The following CLCA1 variants were observed in gnomAD, a reference collection of about 807,000 sequenced individuals.
The protein encoded by CLCA1 is chloride channel accessory 1.
Under a neutral mutation model 85.6 loss-of-function variants are expected in CLCA1, and 59 were observed. That is an observed-to-expected ratio of 0.69 (90% confidence interval 0.56 to 0.86). CLCA1 has a LOEUF of 0.86. CLCA1 is among the 40% of genes least tolerant of loss of function. The pLI, the probability that CLCA1 is intolerant of heterozygous loss-of-function variation, is 0.00. For synonymous variants in CLCA1, 396 were observed against 398.3 expected, an observed-to-expected ratio of 0.99 and a Z score of 0.07; for missense variants, 1,022 against 1,101.4, an observed-to-expected ratio of 0.93 and a Z score of 1.02.
chr1:86,493,722 G>A lies in CLCA1; in HGVS notation c.1680+123G>A, dbSNP rs193231660. 166 of 730,992 alleles carry A rather than the reference G, an allele frequency of 2.3e-4. 1 individual carries two copies. The highest frequency in any genetic ancestry group is 2.1e-3 in the South Asian group (112 of 52,218). The allele number at this position is 730,992 out of a possible 1,614,324, so 45.3% of individuals were successfully genotyped here. On this transcript the variant is annotated intron_variant, in intron 10 of 13. Transcript: ENST00000394711. ...AGGAGAGTCAGTATTGAATCAAAGAGAGAACGAGGAAAAAAAATCTCCATC... is the reference window on the plus strand; with the variant it reads ...AGGAGAGTCAGTATTGAATCAAAGAAAGAACGAGGAAAAAAAATCTCCATC...
Position 86,489,177 on chromosome 1 carries a change from G to A in CLCA1, c.1357+7G>A. 1.2e-6 allele frequency: 2 copies of A among 1,612,652 alleles called. No homozygotes were observed. Among genetic ancestry groups the A allele is most frequent in the Non-Finnish European group, 1.7e-6 (2 of 1,179,320 alleles). On this transcript the variant is annotated splice_region_variant and intron_variant, in intron 8 of 13. Coordinates refer to ENST00000394711, the MANE Select transcript of CLCA1 (RefSeq NM_001285.4). Reference sequence around the variant, plus strand: ...GAGCTGTCCAAAATGACAGGTGAGGGATGATTTGCTGAGACCCCCGGTATT... The same window carrying A: ...GAGCTGTCCAAAATGACAGGTGAGGAATGATTTGCTGAGACCCCCGGTATT...
intron 1 of CLCA1, among the ~76,000 whole-genome samples, chr1:86,470,079 G>A (rs928904898): frequency 2.0e-5 from 3 of 152,162 alleles, no homozygotes; most frequent in African/African-American, 7.2e-5. Context: ...AATAAATGGT[G>A]GATATAGTCA....
chr1:86,492,432 CAG>C (rs3835432), intron 9 of CLCA1, among the ~76,000 whole-genome samples: 62,287 of 151,196 alleles, frequency 0.41, 13,434 homozygotes, highest in Non-Finnish European at 0.48. Flanking sequence ...AGAAACCTAA[CAG>C]AGAGAGAGAG....
chr1:86,499,810 GCA>G lies in CLCA1; in HGVS notation c.2513_2514del (p.Thr838ArgfsTer10). On this transcript the variant is annotated frameshift_variant, in exon 14 of 14. Transcript: ENST00000394711. LOFTEE classifies it low-confidence loss of function (END_TRUNC). ...CCAGAAAACATTACTTTTGAAAATG[GCA>G]CAGATCTTTTCATTGCTATTCAGGC... The G allele has an allele frequency of 6.2e-7, 1 of 1,613,780 alleles. No homozygotes were observed. Among genetic ancestry groups the G allele is most frequent in the Non-Finnish European group, 8.5e-7 (1 of 1,179,700 alleles).
intron 13 of CLCA1, among the ~76,000 whole-genome samples, chr1:86,499,407 G>C (rs1014136884): frequency 6.6e-6 from 1 of 152,154 alleles, no homozygotes; most frequent in Non-Finnish European, 1.5e-5. Context: ...TGCTGACCAA[G>C]GCTTTACGTC....
chr1:86,477,131 G>A (rs898555535), intron 4 of CLCA1, among the ~76,000 whole-genome samples: 23 of 152,124 alleles, frequency 1.5e-4, no homozygotes, highest in Non-Finnish European at 3.2e-4. Context: ...CTGATCTTAA[G>A]TTTTCGTACA....
At chr1:86,487,902 G>A (rs930022934) in intron 7 of CLCA1, among the ~76,000 whole-genome samples, 1 of 152,192 alleles carries the variant, frequency 6.6e-6, no homozygotes, top group South Asian at 2.1e-4. Context: ...TGGGGAGTGC[G>A]ACAAGAAAAT....
At chr1:86,483,877 T>A (rs908569219) in intron 5 of CLCA1, among the ~76,000 whole-genome samples, 5 of 152,156 alleles carry the variant, frequency 3.3e-5, no homozygotes, top group African/African-American at 4.8e-5. Context: ...AATTTATAAA[T>A]GAAAGAGGTT....
Position 86,498,904 on chromosome 1 carries a change from T to C in CLCA1, c.2353+93T>C. On this transcript the variant is annotated intron_variant, in intron 13 of 13. Coordinates refer to ENST00000394711, the MANE Select transcript of CLCA1 (RefSeq NM_001285.4). The stretch of plus-strand genomic sequence containing the variant: ...AGGCAGGCAGCCGTGTTCTGATACT[T>C]AGGGGGCAGAAGGCAGGAGGGATCT... The C allele has an allele frequency of 2.1e-6, 3 of 1,412,098 alleles. No homozygotes were observed. In the Admixed American group the frequency reaches 6.4e-5, roughly 30 times the overall value. 87.5% of individuals were successfully genotyped at this position (1,412,098 alleles called of 1,614,324 possible).
chr1:86,485,640 G>A (rs1010456103), intron 6 of CLCA1, 79 bp downstream of exon 6: 167 of 1,290,260 alleles, frequency 1.3e-4, no homozygotes, highest in Non-Finnish European at 1.0e-4. Flanking sequence ...AACTAGTTGC[G>A]AATAAACATA....
Position 86,473,562 on chromosome 1 carries a change from G to C in CLCA1, c.303+5G>C. 6.3e-7 allele frequency: 1 copy of C among 1,577,096 alleles called. No individual in the cohort carries two copies. Among genetic ancestry groups the C allele is most frequent in the Non-Finnish European group, 8.6e-7 (1 of 1,158,390 alleles). Reference sequence around the variant, plus strand: ...AAACTTGAGACCTACAAAAATGTGAGAATATCAAGTTCTTCTTTAAAATTC... The same window carrying C: ...AAACTTGAGACCTACAAAAATGTGACAATATCAAGTTCTTCTTTAAAATTC... On this transcript the variant is annotated splice_donor_5th_base_variant and intron_variant, in intron 2 of 13. Coordinates refer to ENST00000394711, the MANE Select transcript of CLCA1 (RefSeq NM_001285.4).
intron 3 of CLCA1, among the ~76,000 whole-genome samples, chr1:86,475,718 A>T (rs981079133): frequency 6.6e-6 from 1 of 152,208 alleles, no homozygotes; most frequent in Non-Finnish European, 1.5e-5. Flanking sequence ...AACATAGGTA[A>T]AAAAAGACCA....
At chr1:86,494,786 TAC>T (rs1648229651) in intron 11 of CLCA1, among the ~76,000 whole-genome samples, 1 of 152,246 alleles carries the variant, frequency 6.6e-6, no homozygotes, top group African/African-American at 2.4e-5. Flanking sequence ...CATACATACA[TAC>T]ACACATATGA....
chr1:86,469,169 A>G, intron 1 of CLCA1, 36 bp downstream of exon 1: 1 of 1,497,838 alleles, frequency 6.7e-7, no homozygotes, highest in Non-Finnish European at 9.1e-7. Flanking sequence ...TTTTTTAAAA[A>G]TAGCATAATG....
chr1:86,485,042 C>T (rs1243270465), intron 5 of CLCA1, among the ~76,000 whole-genome samples: 1 of 151,936 alleles, frequency 6.6e-6, no homozygotes, highest in African/African-American at 2.4e-5. Context: ...GAGAGGAATG[C>T]TGGAGAGGGT....
chr1:86,470,126 G>A (rs1647461833), intron 1 of CLCA1, among the ~76,000 whole-genome samples: 1 of 152,118 alleles, frequency 6.6e-6, no homozygotes, highest in African/African-American at 2.4e-5. Flanking sequence ...TAGAACAAGG[G>A]CCCAGAGGGA....
chr1:86,488,861 C>G, intron 7 of CLCA1, 135 bp from the exon 8 acceptor site: 1 of 658,022 alleles, frequency 1.5e-6, no homozygotes, highest in Non-Finnish European at 2.7e-6. Flanking sequence ...TCAAGACAGA[C>G]AGATATTTGG....
At chr1:86,492,462 C>A (rs1411320143) in intron 9 of CLCA1, among the ~76,000 whole-genome samples, 1 of 152,050 alleles carries the variant, frequency 6.6e-6, no homozygotes, top group Non-Finnish European at 1.5e-5. Flanking sequence ...GAGAAATGAG[C>A]AAGACTCATT....
chr1:86,481,892 G>A (rs1647832473), intron 4 of CLCA1, among the ~76,000 whole-genome samples: 1 of 152,198 alleles, frequency 6.6e-6, no homozygotes, highest in Admixed American at 6.5e-5. Context: ...ACCTGCTAGG[G>A]ATGAAGGGAA....
Sources: gnomAD v4.1 joint callset for allele counts (sites outside exome capture counted in the v4.1 genomes callset) on GRCh38, gnomAD v4.1.1 for gene constraint, MANE v1.5 for transcripts, NCBI Gene and HGNC (gene_info 2026-07-23, HGNC 2026-07-21) for gene names.